MCTP1: variants seen among roughly 807,000 people sequenced by gnomAD.
MCTP1 encodes the protein multiple C2 and transmembrane domain containing 1.
MCTP1 carries 69 observed loss-of-function variants against 120.6 expected under a neutral mutation model. That is an observed-to-expected ratio of 0.57 (90% confidence interval 0.47 to 0.70). The LOEUF (loss-of-function observed/expected upper bound fraction) is 0.70. Among genes scored for constraint, MCTP1 ranks in the 30% least tolerant of loss-of-function variants. The probability of loss-of-function intolerance (pLI) is 0.00; values close to 1 mark genes in which losing one functional copy is unlikely to be tolerated. For missense variants in MCTP1, 1,203 were observed against 1,248.8 expected (o/e 0.96, Z 0.55); for synonymous variants, 529 against 493.1 (o/e 1.07, Z -0.96).
intron 1 of MCTP1, among the ~76,000 whole-genome samples, chr5:95,282,046 C>T (rs59010310): frequency 3.3e-5 from 5 of 152,282 alleles, no homozygotes; most frequent in South Asian, 2.1e-4. Context: ...CATTGGTTTA[C>T]GAATCTGTAA....
intron 1 of MCTP1, among the ~76,000 whole-genome samples, chr5:95,234,016 A>C (rs1755256593): frequency 6.6e-6 from 1 of 151,996 alleles, no homozygotes; most frequent in African/African-American, 2.4e-5. Context: ...AGATCAGAGA[A>C]GAAAAAAAAA....
At chr5:95,072,740 A>ATTTTTTTTTTT (rs11421165) in intron 1 of MCTP1, among the ~76,000 whole-genome samples, 1 of 95,258 alleles carries the variant, frequency 1.0e-5, no homozygotes, top group Non-Finnish European at 1.9e-5. Flanking sequence ...CTTAGCAACT[A>ATTTTTTTTTTT]TTTTTTTTTT....
At chr5:94,985,699 C>T (rs1335257003) in intron 2 of MCTP1, among the ~76,000 whole-genome samples, 1 of 152,130 alleles carries the variant, frequency 6.6e-6, no homozygotes, top group Non-Finnish European at 1.5e-5. Context: ...TTTTAAAAGT[C>T]TGAAAAGTAA....
intron 17 of MCTP1, among the ~76,000 whole-genome samples, chr5:94,833,451 C>A (rs867215391): frequency 6.6e-6 from 1 of 151,972 alleles, no homozygotes; most frequent in African/African-American, 2.4e-5. Flanking sequence ...TAATATGGCC[C>A]AATTATGTGG....
chr5:94,822,811 T>C (rs566515101), intron 17 of MCTP1, among the ~76,000 whole-genome samples: 47 of 152,374 alleles, frequency 3.1e-4, no homozygotes, highest in Admixed American at 8.5e-4. Flanking sequence ...TGACCAGTGA[T>C]GATGAGCTTT....
chr5:95,283,716 G>C (rs2152748899), intron 1 of MCTP1, 140 bp downstream of exon 1: 2 of 569,342 alleles, frequency 3.5e-6, no homozygotes, highest in Non-Finnish European at 5.3e-6. Context: ...GTTTTCTTTC[G>C]ACTGTTTCAT....
At chr5:94,756,718 C>A (rs1457577760) in intron 19 of MCTP1, among the ~76,000 whole-genome samples, 1 of 152,194 alleles carries the variant, frequency 6.6e-6, no homozygotes, top group Non-Finnish European at 1.5e-5. Flanking sequence ...ACCCAGCACA[C>A]AACTATGGCT....
intron 19 of MCTP1, among the ~76,000 whole-genome samples, chr5:94,721,131 C>A (rs966848865): frequency 1.3e-5 from 2 of 152,150 alleles, no homozygotes; most frequent in Non-Finnish European, 2.9e-5. Context: ...AAAATGCAGA[C>A]ACCATAATCT....
chr5:94,715,035 T>C (rs1758569544), intron 19 of MCTP1, 149 bp from the exon 20 acceptor site: 3 of 589,434 alleles, frequency 5.1e-6, no homozygotes, highest in South Asian at 4.1e-5. Context: ...CATGAAAATA[T>C]CAGGATTTAA....
At chr5:95,224,573 T>A (rs1754054290) in intron 1 of MCTP1, among the ~76,000 whole-genome samples, 1 of 150,672 alleles carries the variant, frequency 6.6e-6, no homozygotes, top group South Asian at 2.1e-4. Context: ...AGTGGCATGA[T>A]CACAGCTCAC....
chr5:95,084,292 C>G (rs55881574), intron 1 of MCTP1, among the ~76,000 whole-genome samples: 1 of 152,088 alleles, frequency 6.6e-6, no homozygotes, highest in Admixed American at 6.6e-5. Flanking sequence ...TGTACTCACT[C>G]TAAGTGGACT....
At chr5:94,990,521 G>A (rs1284065268) in intron 2 of MCTP1, among the ~76,000 whole-genome samples, 1 of 152,196 alleles carries the variant, frequency 6.6e-6, no homozygotes, top group African/African-American at 2.4e-5. Context: ...AGGCCAGCAA[G>A]AGGGTCACGC....
intron 1 of MCTP1, among the ~76,000 whole-genome samples, chr5:95,141,366 C>G (rs556123639): frequency 5.9e-5 from 9 of 152,300 alleles, no homozygotes; most frequent in African/African-American, 2.2e-4. Flanking sequence ...AAAAACACTT[C>G]AGTAATCCAC....
chr5:94,714,997 G>A (rs10044797), intron 19 of MCTP1, 111 bp from the exon 20 acceptor site: 171,607 of 679,068 alleles, frequency 0.25, 23,778 homozygotes, highest in African/African-American at 0.33. Context: ...CTTCATTTTC[G>A]TGTGGTTATA....
intron 17 of MCTP1, among the ~76,000 whole-genome samples, chr5:94,822,322 T>A (rs1269851340): frequency 6.6e-6 from 1 of 152,172 alleles, no homozygotes; most frequent in East Asian, 1.9e-4. Context: ...TGGTTTTCTG[T>A]TCCTGTGTTA....
At chr5:94,963,846 C>G (rs1296838028) in intron 2 of MCTP1, among the ~76,000 whole-genome samples, 1 of 152,114 alleles carries the variant, frequency 6.6e-6, no homozygotes, top group Non-Finnish European at 1.5e-5. Context: ...TCTTTGCTTT[C>G]GTTGCCTGTG....
rs534462639 is a variant in MCTP1 at position 94,788,937 on chromosome 5, G to A, written c.2557-9774C>T. ...GGACGCTTTGGAGAACCATCAAGAT[G>A]GTGAATTCTTTGGATCCATGGAAGG... On this transcript the variant is annotated intron_variant, in intron 18 of 22. Coordinates refer to ENST00000515393, the MANE Select transcript of MCTP1 (RefSeq NM_024717.7). The A allele has an allele frequency of 2.0e-5, 3 of 152,306 alleles. No homozygotes were observed. The East Asian group carries it at 5.8e-4, about 29-fold the overall frequency. The allele number at this position is 152,306 out of a possible 1,614,324, so 9.4% of individuals were successfully genotyped here.
At chr5:95,209,922 G>A (rs191395155) in intron 1 of MCTP1, among the ~76,000 whole-genome samples, 7 of 152,216 alleles carry the variant, frequency 4.6e-5, no homozygotes, top group African/African-American at 1.2e-4. Flanking sequence ...CCTTCATTTC[G>A]TTATGTACCC....
intron 21 of MCTP1, 53 bp downstream of exon 21, chr5:94,710,765 G>T: frequency 2.6e-6 from 3 of 1,161,190 alleles, no homozygotes; most frequent in Non-Finnish European, 3.8e-6. Context: ...CTTAAACATA[G>T]TTTGTTCTTA....
Sources: allele counts gnomAD v4.1 joint callset (sites outside exome capture counted in the v4.1 genomes callset), GRCh38; gene constraint gnomAD v4.1.1; transcripts MANE v1.5; gene names NCBI Gene and HGNC (gene_info 2026-07-23, HGNC 2026-07-21).